SLC35D4: variants seen among roughly 807,000 people sequenced by gnomAD.
SLC35D4 encodes solute carrier family 35 member D4, also known as UDP-N-acetylglucosamine transporter SLC35D4.
At chr18:23,293,208 C>T in the SLC35D4 span, among the ~76,000 whole-genome samples, 6 of 152,154 alleles carry the variant, frequency 3.9e-5, no homozygotes, top group Admixed American at 3.9e-4. Flanking sequence ...CGCGCCATTG[C>T]ACTCCAGCCT....
At chr18:23,396,306 G>T in the SLC35D4 span, among the ~76,000 whole-genome samples, 1 of 152,178 alleles carries the variant, frequency 6.6e-6, no homozygotes, top group African/African-American at 2.4e-5. Context: ...TTTTAATGGA[G>T]CGCTTTTCCC....
chr18:23,296,917 C>T, the SLC35D4 span: 13 of 152,102 alleles, frequency 8.5e-5, no homozygotes, highest in Admixed American at 3.3e-4. Context: ...ATAAGGACCA[C>T]GAGAAGTTTA....
chr18:23,252,710 C>G, the SLC35D4 span, among the ~76,000 whole-genome samples: 1 of 152,196 alleles, frequency 6.6e-6, no homozygotes, highest in Non-Finnish European at 1.5e-5. Flanking sequence ...GCACTGACTT[C>G]TGATGGTCTA....
the SLC35D4 span, chr18:23,430,717 T>C: frequency 1.7e-5 from 27 of 1,554,462 alleles, no homozygotes; most frequent in African/African-American, 2.7e-5. Context: ...TTTCAAATGA[T>C]AGAAAACTGA....
At chr18:23,358,403 G>C in the SLC35D4 span, among the ~76,000 whole-genome samples, 7 of 151,880 alleles carry the variant, frequency 4.6e-5, no homozygotes, top group Non-Finnish European at 5.9e-5. Flanking sequence ...GGGGTCTAAA[G>C]AGCAGAAGTG....
chr18:23,245,277 G>A, the SLC35D4 span, among the ~76,000 whole-genome samples: 22 of 152,306 alleles, frequency 1.4e-4, no homozygotes, highest in South Asian at 3.9e-3. Flanking sequence ...GGAGGCTGAG[G>A]TGGGCGGATC....
chr18:23,328,026 A>G, the SLC35D4 span, among the ~76,000 whole-genome samples: 2 of 152,224 alleles, frequency 1.3e-5, no homozygotes, highest in South Asian at 4.1e-4. Flanking sequence ...AAAACTCTCA[A>G]TAAATTAGGT....
the SLC35D4 span, among the ~76,000 whole-genome samples, chr18:23,280,755 T>C: frequency 1.3e-5 from 2 of 151,844 alleles, no homozygotes; most frequent in African/African-American, 4.8e-5. Flanking sequence ...TAACAGACTG[T>C]ACTAAAGGCC....
chr18:23,256,374 C>T, the SLC35D4 span, among the ~76,000 whole-genome samples: 1 of 152,202 alleles, frequency 6.6e-6, no homozygotes. Flanking sequence ...GGAGACTTCC[C>T]GAGGACTTAG....
chr18:23,376,407 C>G, the SLC35D4 span, among the ~76,000 whole-genome samples: 5 of 152,218 alleles, frequency 3.3e-5, no homozygotes, highest in African/African-American at 1.2e-4. Flanking sequence ...GGCCCCAGAG[C>G]CTTGGGAAGG....
At chr18:23,317,181 A>ACG in the SLC35D4 span, among the ~76,000 whole-genome samples, 1 of 143,836 alleles carries the variant, frequency 7.0e-6, no homozygotes, top group Non-Finnish European at 1.5e-5. Context: ...ACACACACAC[A>ACG]CCCCACTAAT....
the SLC35D4 span, among the ~76,000 whole-genome samples, chr18:23,273,890 A>G: frequency 3.2e-4 from 49 of 152,166 alleles, no homozygotes; most frequent in African/African-American, 1.2e-3. Context: ...TTTCCATTTA[A>G]TTGTTTCAAC....
chr18:23,406,946 C>T, the SLC35D4 span, among the ~76,000 whole-genome samples: 1 of 152,170 alleles, frequency 6.6e-6, no homozygotes, highest in Non-Finnish European at 1.5e-5. Context: ...GCTGGGACTA[C>T]AGGTGCACAC....
chr18:23,248,538 T>TTTTTTA, the SLC35D4 span, among the ~76,000 whole-genome samples: 7 of 93,612 alleles, frequency 7.5e-5, no homozygotes, highest in African/African-American at 2.1e-4. Flanking sequence ...TTTTTTTTTT[T>TTTTTTA]AAAAAAAGGC....
the SLC35D4 span, among the ~76,000 whole-genome samples, chr18:23,346,214 T>G: frequency 6.6e-6 from 1 of 152,190 alleles, no homozygotes; most frequent in Non-Finnish European, 1.5e-5. Context: ...GCTCACTGCA[T>G]CCTCAAACTC....
the SLC35D4 span, among the ~76,000 whole-genome samples, chr18:23,403,947 A>G: frequency 2.0e-5 from 3 of 151,758 alleles, no homozygotes; most frequent in East Asian, 2.0e-4. Context: ...GTGAAACCCC[A>G]TCTCTCCTAA....
the SLC35D4 span, among the ~76,000 whole-genome samples, chr18:23,254,887 A>C: frequency 2.0e-5 from 3 of 152,302 alleles, no homozygotes; most frequent in East Asian, 5.8e-4. Context: ...GGACACAAAC[A>C]TTCAGCCCAT....
At chr18:23,393,018 C>G in the SLC35D4 span, among the ~76,000 whole-genome samples, 2 of 152,030 alleles carry the variant, frequency 1.3e-5, no homozygotes, top group African/African-American at 4.8e-5. Context: ...CGGGTTCAAG[C>G]GATTCTTCTG....
chr18:23,422,143 T>C, the SLC35D4 span, among the ~76,000 whole-genome samples: 1 of 152,306 alleles, frequency 6.6e-6, no homozygotes, highest in East Asian at 1.9e-4. Context: ...ATTATTGTTT[T>C]TATTCATAGA....
Sources: gnomAD v4.1 joint callset for allele counts (sites outside exome capture counted in the v4.1 genomes callset) on GRCh38, gnomAD v4.1.1 for gene constraint, MANE v1.5 for transcripts, NCBI Gene and HGNC (gene_info 2026-07-23, HGNC 2026-07-21) for gene names.